The following TNFRSF19 variants were observed in gnomAD, a reference collection of about 807,000 sequenced individuals.
The protein encoded by TNFRSF19 is TNF receptor superfamily member 19.
TNFRSF19 carries 27 observed loss-of-function variants against 46.4 expected under a neutral mutation model. That is an observed-to-expected ratio of 0.58 (90% CI 0.43 to 0.80). The LOEUF (loss-of-function observed/expected upper bound fraction) is 0.80, where lower values mean the gene tolerates loss of function less well. Ranked by LOEUF, TNFRSF19 falls within the 30% of genes least tolerant of loss-of-function variation. TNFRSF19 has a pLI of 0.00. For missense variants in TNFRSF19, 511 were observed against 530.8 expected (o/e 0.96, Z 0.37); for synonymous variants, 204 against 205.0 (o/e 1.00, Z 0.04).
rs1161702710 is a variant in TNFRSF19 at position 23,673,605 on chromosome 13, T to C, written c.*225T>C. 8.3e-7 allele frequency: 1 copy of C among 1,211,164 alleles called. No homozygotes were observed. Among genetic ancestry groups the C allele is most frequent in the Non-Finnish European group, 1.0e-6 (1 of 966,568 alleles). The allele number at this position is 1,211,164 out of a possible 1,614,324, so 75.0% of individuals were successfully genotyped here. On this transcript the variant is annotated 3_prime_UTR_variant, in exon 10 of 10. Coordinates refer to ENST00000248484, the MANE Select transcript of TNFRSF19 (RefSeq NM_148957.4). ...CAAGAAAAGACTCCAGGCCGACTCA[T>C]GATACTCTGCATCTTTCCTACATGA...
At chr13:23,621,962 A>G (rs1881689921) in intron 4 of TNFRSF19, among the ~76,000 whole-genome samples, 2 of 151,924 alleles carry the variant, frequency 1.3e-5, no homozygotes. Flanking sequence ...ACAAACAAAA[A>G]AGAATGAAGA....
chr13:23,669,985 G>T (rs1311287911), intron 9 of TNFRSF19, among the ~76,000 whole-genome samples: 1 of 152,156 alleles, frequency 6.6e-6, no homozygotes, highest in Non-Finnish European at 1.5e-5. Context: ...TGCTCTCACT[G>T]CCTGTCCCTC....
Position 23,659,964 on chromosome 13 carries a change from G to T in TNFRSF19, c.611-401G>T, listed in dbSNP as rs1884247775. Among the ~76,000 whole-genome samples the T allele has an allele frequency of 6.6e-6, 1 of 152,136 alleles. No individual in the cohort carries two copies. Among genetic ancestry groups the T allele is most frequent in the South Asian group, 2.1e-4 (1 of 4,824 alleles). On this transcript the variant is annotated intron_variant, in intron 6 of 9. Coordinates refer to ENST00000248484, the MANE Select transcript of TNFRSF19 (RefSeq NM_148957.4). The surrounding 1 kb of genome is among the most constrained non-coding windows in gnomAD (Gnocchi z 4.9). The stretch of plus-strand genomic sequence containing the variant: ...TCCTCATCATCTTCATGTTGAGTGG[G>T]CTGAGGAGGAGGAGGAGGAGGGTTG...
chr13:23,648,873 T>G lies in TNFRSF19; in HGVS notation c.446-10177T>G, dbSNP rs576284388. Among the ~76,000 whole-genome samples the G allele has an allele frequency of 2.6e-5, 4 of 152,340 alleles. No homozygotes were observed. In the South Asian group the frequency reaches 6.2e-4, roughly 24 times the overall value. The stretch of plus-strand genomic sequence containing the variant: ...TCCCCTTTATTTTATTATTGCTTAT[T>G]GTATTGATTGACTTTTGTATGATTA... On this transcript the variant is annotated intron_variant, in intron 5 of 9. Coordinates refer to ENST00000248484, the MANE Select transcript of TNFRSF19 (RefSeq NM_148957.4).
chr13:23,636,271 G>T (rs142163221), intron 5 of TNFRSF19, among the ~76,000 whole-genome samples: 2 of 152,232 alleles, frequency 1.3e-5, no homozygotes, highest in Non-Finnish European at 2.9e-5. Context: ...TGAAAATATT[G>T]CCAGGGGTCG....
At chr13:23,578,144 T>TA (rs1878094668) in intron 1 of TNFRSF19, among the ~76,000 whole-genome samples, 2 of 152,138 alleles carry the variant, frequency 1.3e-5, no homozygotes, top group South Asian at 4.2e-4. Context: ...AGGAAACAGA[T>TA]AAAGAAGTTC....
At chr13:23,593,097 G>A (rs1193840914) in intron 2 of TNFRSF19, among the ~76,000 whole-genome samples, 1 of 151,950 alleles carries the variant, frequency 6.6e-6, no homozygotes, top group Non-Finnish European at 1.5e-5. Flanking sequence ...CCAAGAAAAT[G>A]GGATACCCTG....
chr13:23,672,955 A>G (rs115466073), intron 9 of TNFRSF19, among the ~76,000 whole-genome samples: 5 of 152,248 alleles, frequency 3.3e-5, no homozygotes, highest in African/African-American at 9.6e-5. Context: ...GGTACTATTC[A>G]TTCATCTTTG....
intron 3 of TNFRSF19, among the ~76,000 whole-genome samples, chr13:23,612,999 A>G (rs544847720): frequency 2.6e-5 from 4 of 152,352 alleles, no homozygotes; most frequent in East Asian, 1.9e-4. Context: ...TGACTCAGAT[A>G]GGGTTGAATT....
At position 23,603,628 on chromosome 13, in the gene TNFRSF19, T is replaced by C. The variant is rs192784251; in HGVS notation, c.180+10173T>C. 1.1e-4 allele frequency among the ~76,000 whole-genome samples: 17 copies of C among 151,994 alleles called. No homozygotes were observed. In the East Asian group the frequency reaches 3.3e-3, roughly 29 times the overall value. On this transcript the variant is annotated intron_variant, in intron 3 of 9. Transcript: ENST00000248484. ...AAAAAAATCACACACTGTGACAAAA[T>C]GGGATTTATCCCACATACACAAGGC...
chr13:23,588,173 G>A (rs985129860), intron 1 of TNFRSF19, among the ~76,000 whole-genome samples: 3 of 152,184 alleles, frequency 2.0e-5, no homozygotes, highest in African/African-American at 7.2e-5. Context: ...ATTTCAGGAG[G>A]TAGGTACTAT....
intron 3 of TNFRSF19, among the ~76,000 whole-genome samples, chr13:23,609,589 C>G (rs528288441): frequency 6.6e-6 from 1 of 152,298 alleles, no homozygotes; most frequent in South Asian, 2.1e-4. Flanking sequence ...AAACAGGCTT[C>G]AAGTCTCTGG....
At chr13:23,669,205 T>A (rs1951711888) in intron 9 of TNFRSF19, 108 bp downstream of exon 9, 3 of 1,449,966 alleles carry the variant, frequency 2.1e-6, no homozygotes, top group African/African-American at 2.9e-5. Flanking sequence ...TTTTTTTGCA[T>A]CTTTAATAAT....
chr13:23,666,665 C>G (rs528834940), intron 7 of TNFRSF19, among the ~76,000 whole-genome samples: 1 of 152,340 alleles, frequency 6.6e-6, no homozygotes, highest in Non-Finnish European at 1.5e-5. Context: ...TAAGGAATGG[C>G]AGTGCCTTTT....
intron 4 of TNFRSF19, among the ~76,000 whole-genome samples, chr13:23,620,121 T>C (rs1191621237): frequency 6.6e-6 from 1 of 152,244 alleles, no homozygotes; most frequent in Non-Finnish European, 1.5e-5. Context: ...CGTAATTACA[T>C]AGTGACTTTT....
rs1884180603 is a variant in TNFRSF19, at chr13:23,659,210, C to G, written c.606C>G (p.Pro202=). The G allele has an allele frequency of 1.2e-6, 2 of 1,607,090 alleles. No individual in the cohort carries two copies. Among genetic ancestry groups the G allele is most frequent in the African/African-American group, 2.7e-5 (2 of 74,764 alleles). ...AGAGACAGTTTATGGAGAAGAAACC[C>G]AGCTGTAAGTTTTGAGCTCATTACA... The part of the protein sequence containing the change: ...YCKRQFMEKK[P]SWSLRSQDIQ... The change falls in exon 6 of 10, where the codon CCC becomes CCG. Residue 202 remains proline (P), a synonymous_variant. Coordinates refer to ENST00000248484, the MANE Select transcript of TNFRSF19 (RefSeq NM_148957.4). The surrounding 1 kb of genome is among the most constrained non-coding windows in gnomAD (Gnocchi z 4.9).
At chr13:23,624,255 C>T (rs1881849667) in intron 4 of TNFRSF19, among the ~76,000 whole-genome samples, 1 of 151,754 alleles carries the variant, frequency 6.6e-6, no homozygotes, top group South Asian at 2.1e-4. Context: ...TGTCTTTATG[C>T]CAGTACTACA....
chr13:23,631,991 A>G (rs909671100), intron 5 of TNFRSF19, among the ~76,000 whole-genome samples: 2 of 152,210 alleles, frequency 1.3e-5, no homozygotes, highest in African/African-American at 4.8e-5. Context: ...TGGGAATGTC[A>G]TGTGATTTTT....
rs775511020 is a variant in TNFRSF19, at chr13:23,626,739, A to C, written c.392A>C (p.Gln131Pro). ...FYRKTKLVGFQDMECVPCGDP... is the reference protein window; with the variant it reads ...FYRKTKLVGFPDMECVPCGDP... Reference sequence around the variant, plus strand: ...AGGAAGACGAAACTTGTCGGCTTTCAAGACATGGAGTGTGTGCCTTGTGGA... The same window carrying C: ...AGGAAGACGAAACTTGTCGGCTTTCCAGACATGGAGTGTGTGCCTTGTGGA... Residue 131 changes from glutamine to proline, a missense_variant, in exon 5 of 10, where the codon CAA (glutamine) becomes CCA (proline). Physicochemically the swap from Gln to Pro is moderately conservative, Grantham distance 76 (BLOSUM62 -1). This residue lies in a region of TNFRSF19 where 376 missense variants were observed against 372.7 expected (regional missense o/e 1.01). Coordinates refer to ENST00000248484, the MANE Select transcript of TNFRSF19 (RefSeq NM_148957.4). The C allele has an allele frequency of 8.1e-6, 13 of 1,614,076 alleles. No individual in the cohort carries two copies. Among genetic ancestry groups the C allele is most frequent in the Non-Finnish European group, 1.1e-5 (13 of 1,180,030 alleles).
Sources: gnomAD v4.1 joint callset for allele counts (sites outside exome capture counted in the v4.1 genomes callset) on GRCh38, gnomAD v4.1.1 for gene constraint, gnomAD v4.1.1 regional missense constraint, Gnocchi (gnomAD v3.1) non-coding constraint, MANE v1.5 for transcripts, NCBI Gene and HGNC (gene_info 2026-07-23, HGNC 2026-07-21) for gene names.